PTP4A1: variants seen among roughly 807,000 people sequenced by gnomAD.
PTP4A1 encodes protein tyrosine phosphatase type IVA 1.
A neutral mutation model predicts 20.5 loss-of-function variants in PTP4A1; 9 were observed. That is an observed-to-expected ratio of 0.44 (90% CI 0.26 to 0.77). The LOEUF is 0.77. Ranked by LOEUF, PTP4A1 falls within the 30% of genes least tolerant of loss-of-function variation. The pLI is 0.19. For synonymous variants in PTP4A1, 78 were observed against 67.4 expected (o/e 1.16, Z -0.77); for missense variants, 137 against 218.8 (o/e 0.63, Z 2.36).
intron 1 of PTP4A1, among the ~76,000 whole-genome samples, chr6:63,522,618 A>T (rs912672657): frequency 2.6e-5 from 4 of 152,196 alleles, no homozygotes; most frequent in Non-Finnish European, 5.9e-5. Flanking sequence ...AAAAGAACAC[A>T]ATAGTGTAGC....
intron 2 of PTP4A1, among the ~76,000 whole-genome samples, chr6:63,546,953 T>C (rs1776218756): frequency 6.6e-6 from 1 of 152,212 alleles, no homozygotes; most frequent in Non-Finnish European, 1.5e-5. Flanking sequence ...ATATATTTAA[T>C]TTTTGTCAAT....
chr6:63,579,410 C>A, intron 5 of PTP4A1, 79 bp downstream of exon 5: 1 of 960,126 alleles, frequency 1.0e-6, no homozygotes, highest in South Asian at 2.0e-5. Flanking sequence ...AGTCTAATAG[C>A]CCATTTAATC....
intron 1 of PTP4A1, among the ~76,000 whole-genome samples, chr6:63,575,303 C>G (rs1361621159): frequency 6.6e-6 from 1 of 152,160 alleles, no homozygotes; most frequent in Admixed American, 6.5e-5. Flanking sequence ...AATTACTGCT[C>G]TTGTTAACCT....
At chr6:63,568,127 C>G (rs180756880), upstream of PTP4A1, among the ~76,000 whole-genome samples, 1 of 152,354 alleles carries the variant, frequency 6.6e-6, no homozygotes, top group Admixed American at 6.5e-5. Context: ...CTTATCATTC[C>G]TGTGTTCACT....
intron 2 of PTP4A1, among the ~76,000 whole-genome samples, chr6:63,538,103 T>G (rs527325540): frequency 2.8e-4 from 42 of 152,370 alleles, no homozygotes; most frequent in African/African-American, 1.0e-3. Flanking sequence ...TTGCTGACAT[T>G]AAATGTACAT....
upstream of PTP4A1, among the ~76,000 whole-genome samples, chr6:63,568,869 A>G (rs1449441419): frequency 6.6e-6 from 1 of 152,076 alleles, no homozygotes; most frequent in Admixed American, 6.6e-5. Flanking sequence ...ATGGGAACTT[A>G]CCCTCTGCAC....
chr6:63,571,544 G>C (rs1777425844), upstream of PTP4A1: 1 of 152,178 alleles, frequency 6.6e-6, no homozygotes, highest in East Asian at 1.9e-4. Flanking sequence ...CGAACATAAA[G>C]AAGAGCTTTA....
chr6:63,524,690 GTTAT>G (rs1332734962), intron 1 of PTP4A1, among the ~76,000 whole-genome samples: 1 of 152,064 alleles, frequency 6.6e-6, no homozygotes, highest in Non-Finnish European at 1.5e-5. Flanking sequence ...AATGCAAAGT[GTTAT>G]TTCTTTTCTT....
At chr6:63,552,874 G>T (rs1776515415) in intron 3 of PTP4A1, among the ~76,000 whole-genome samples, 2 of 152,086 alleles carry the variant, frequency 1.3e-5, no homozygotes, top group Admixed American at 1.3e-4. Flanking sequence ...TGAGGGCTCT[G>T]TTCTGTATCT....
rs41271559 is a variant in PTP4A1, at chr6:63,582,782, T to C, written c.*2608T>C. ...TGGAAGTAGGTGCCATTGGTCATTC[T>C]GCAGTGCACTGCAACCATTGTTTCC... On this transcript the variant is annotated 3_prime_UTR_variant, in exon 6 of 6. Transcript: ENST00000626021. The C allele has an allele frequency of 0.023, 3,481 of 152,322 alleles. 59 individuals are homozygous for C. The highest frequency in any genetic ancestry group is 0.081 in the South Asian group (392 of 4,826). 9.4% of individuals were successfully genotyped at this position (152,322 alleles called of 1,614,324 possible). A position where few individuals can be genotyped will look rare whatever the true frequency, so the allele number is the denominator to read the frequency against.
intron 2 of PTP4A1, chr6:63,549,041 C>T: frequency 1.4e-6 from 1 of 725,886 alleles, no homozygotes; most frequent in Admixed American, 1.9e-5. Flanking sequence ...CGTGTGCAAT[C>T]ACCACCGGCT....
At chr6:63,543,201 T>A (rs1776052740) in intron 2 of PTP4A1, among the ~76,000 whole-genome samples, 1 of 152,210 alleles carries the variant, frequency 6.6e-6, no homozygotes, top group Non-Finnish European at 1.5e-5. Flanking sequence ...TTTGCCAGAC[T>A]TGTCCCTGTT....
At chr6:63,520,485 G>C (rs1158818254), upstream of PTP4A1, among the ~76,000 whole-genome samples, 1 of 151,976 alleles carries the variant, frequency 6.6e-6, no homozygotes, top group African/African-American at 2.4e-5. Flanking sequence ...AAATTAGCCA[G>C]GTGTGATGGC....
chr6:63,533,734 C>T (rs1460679950), intron 2 of PTP4A1, among the ~76,000 whole-genome samples: 1 of 151,890 alleles, frequency 6.6e-6, no homozygotes, highest in African/African-American at 2.4e-5. Flanking sequence ...GGCATATAGA[C>T]TAATGAGCAA....
At position 63,578,511 on chromosome 6, in the gene PTP4A1, A is replaced by T. The variant is rs745860596; in HGVS notation, c.180A>T (p.Lys60Asn). Residue 60 changes from lysine (K) to asparagine (N), a missense_variant, in exon 3 of 6, where the codon AAA becomes AAT. By Grantham distance (94) the Lys-to-Asn change is moderately conservative (BLOSUM62 0). Transcript: ENST00000626021. ...EATYDTTLVE[K>N]EGIHVLDWPF... ...CTTATGACACTACTCTTGTGGAGAA[A>T]GAAGGTATCCATGTTCTTGTAAGTA... 4 of 1,611,976 alleles carry T rather than the reference A, an allele frequency of 2.5e-6. No homozygotes were observed. The African/African-American group carries it at 5.3e-5, about 22-fold the overall frequency.
chr6:63,571,405 T>C (rs752269048), upstream of PTP4A1: 15 of 152,172 alleles, frequency 9.9e-5, no homozygotes, highest in Non-Finnish European at 1.6e-4. Flanking sequence ...GTTTGGTCCT[T>C]CTCCAGAGCT....
At chr6:63,542,025 GT>G (rs1562117591) in intron 2 of PTP4A1, among the ~76,000 whole-genome samples, 13 of 29,326 alleles carry the variant, frequency 4.4e-4, no homozygotes, top group Non-Finnish European at 1.2e-3. Context: ...AAACTGTGGT[GT>G]GTGTGTGTGT....
chr6:63,553,778 G>A (rs1052645849), intron 3 of PTP4A1, among the ~76,000 whole-genome samples: 5 of 152,174 alleles, frequency 3.3e-5, no homozygotes, highest in Admixed American at 2.6e-4. Context: ...GAAAGGAAGA[G>A]GAAATTGTGG....
chr6:63,572,297 C>G, upstream of PTP4A1: 1 of 206,298 alleles, frequency 4.8e-6, no homozygotes, highest in Non-Finnish European at 9.7e-6. Context: ...GATGCTCCGA[C>G]TCGGCGCTTA....
Sources: gnomAD v4.1 joint callset for allele counts (sites outside exome capture counted in the v4.1 genomes callset) on GRCh38, gnomAD v4.1.1 for gene constraint, MANE v1.5 for transcripts, NCBI Gene and HGNC (gene_info 2026-07-23, HGNC 2026-07-21) for gene names.